GRID2: variants seen among roughly 807,000 people sequenced by gnomAD.
The protein encoded by GRID2 is glutamate ionotropic receptor delta type subunit 2, also known as glutamate receptor ionotropic, delta-2.
GRID2 carries 33 observed loss-of-function variants against 114.8 expected under a neutral mutation model. The observed-to-expected ratio is 0.29, with a 90% confidence interval of 0.22 to 0.38. The LOEUF (loss-of-function observed/expected upper bound fraction) is 0.38, where lower values mean the gene tolerates loss of function less well. GRID2 is among the 10% of genes least tolerant of loss of function. GRID2 has a pLI of 1.00. For missense variants in GRID2, 1,184 were observed against 1,257.7 expected, an observed-to-expected ratio of 0.94 and a Z score of 0.89; for synonymous variants, 505 against 449.9, an observed-to-expected ratio of 1.12 and a Z score of -1.55.
At chr4:92,758,762 T>C in intron 2 of GRID2, among the ~76,000 whole-genome samples, 1 of 152,168 alleles carries the variant, frequency 6.6e-6, no homozygotes, top group South Asian at 2.1e-4. Context: ...GTTTTACATT[T>C]TAATTAAAGT....
intron 4 of GRID2, among the ~76,000 whole-genome samples, chr4:93,184,616 G>T (rs1401030058): frequency 6.6e-6 from 1 of 152,032 alleles, no homozygotes; most frequent in Non-Finnish European, 1.5e-5. Context: ...GGGTGCAGTG[G>T]CTCACGCCTG....
At chr4:92,759,285 T>C (rs1037802341) in intron 2 of GRID2, among the ~76,000 whole-genome samples, 1 of 152,192 alleles carries the variant, frequency 6.6e-6, no homozygotes, top group African/African-American at 2.4e-5. Flanking sequence ...ATTTTGACAA[T>C]ATCAACATAA....
Position 92,974,417 on chromosome 4 carries a change from G to C in GRID2, c.245-110578G>C, listed in dbSNP as rs559170138. On this transcript the variant is annotated intron_variant, in intron 2 of 15. Transcript: ENST00000282020. ...CTTTATTGTGGCACTGTTCACAATA[G>C]CAAAGACTTGGAATCAACCCAAATG... Among the ~76,000 whole-genome samples, 7 of 152,200 alleles carry C rather than the reference G, an allele frequency of 4.6e-5. No homozygotes were observed. The South Asian group carries it at 1.4e-3, about 32-fold the overall frequency.
At chr4:92,492,901 C>T (rs992008549) in intron 1 of GRID2, among the ~76,000 whole-genome samples, 4 of 151,908 alleles carry the variant, frequency 2.6e-5, no homozygotes, top group East Asian at 1.9e-4. Flanking sequence ...GGCCTAGGCG[C>T]GCGGATCACT....
chr4:93,361,604 A>G (rs1184837691), intron 8 of GRID2, among the ~76,000 whole-genome samples: 1 of 151,882 alleles, frequency 6.6e-6, no homozygotes, highest in Non-Finnish European at 1.5e-5. Flanking sequence ...CACTGTATTA[A>G]TCATGATTCT....
intron 1 of GRID2, among the ~76,000 whole-genome samples, chr4:93,791,245 T>C (rs771969278): frequency 5.3e-5 from 8 of 152,206 alleles, no homozygotes; most frequent in Non-Finnish European, 8.8e-5. Context: ...TTTGGAAGTA[T>C]ACATTGTATT....
At chr4:93,159,629 T>A (rs1055752057) in intron 4 of GRID2, among the ~76,000 whole-genome samples, 7 of 151,502 alleles carry the variant, frequency 4.6e-5, no homozygotes, top group East Asian at 1.9e-4. Context: ...TTAAGTTTTT[T>A]AATTTCATTA....
At chr4:92,600,069 T>C (rs914801045) in intron 2 of GRID2, among the ~76,000 whole-genome samples, 1 of 134,662 alleles carries the variant, frequency 7.4e-6, no homozygotes, top group East Asian at 2.1e-4. Context: ...TATATATATA[T>C]ATATATATAT....
At chr4:93,612,241 C>T (rs1386276232) in intron 13 of GRID2, among the ~76,000 whole-genome samples, 2 of 148,870 alleles carry the variant, frequency 1.3e-5, no homozygotes, top group African/African-American at 4.9e-5. Flanking sequence ...ATACAGCACA[C>T]TGATGGGTCT....
chr4:93,625,201 A>G (rs1383435796), intron 13 of GRID2, among the ~76,000 whole-genome samples: 1 of 152,220 alleles, frequency 6.6e-6, no homozygotes, highest in East Asian at 1.9e-4. Context: ...CCTGGCTTAG[A>G]AGCCTAGTAA....
At chr4:92,680,360 G>A (rs979162122) in intron 2 of GRID2, among the ~76,000 whole-genome samples, 1 of 152,070 alleles carries the variant, frequency 6.6e-6, no homozygotes, top group African/African-American at 2.4e-5. Flanking sequence ...GTACTCTTCA[G>A]TGAACTGTAG....
At chr4:93,316,336 GA>G (rs771027348) in intron 8 of GRID2, among the ~76,000 whole-genome samples, 2 of 53,336 alleles carry the variant, frequency 3.7e-5, no homozygotes, top group Non-Finnish European at 8.4e-5. Flanking sequence ...AAGAAAGAAA[GA>G]AAGAAGGAAG....
At chr4:93,381,196 A>G (rs1225034254) in intron 8 of GRID2, among the ~76,000 whole-genome samples, 1 of 152,100 alleles carries the variant, frequency 6.6e-6, no homozygotes, top group African/African-American at 2.4e-5. Flanking sequence ...ATCATGCAAA[A>G]CTGAAACTCT....
chr4:93,687,796 A>G lies in GRID2; in HGVS notation c.2360+61361A>G, dbSNP rs1232918110. 2.0e-5 allele frequency among the ~76,000 whole-genome samples: 3 copies of G among 152,158 alleles called. No homozygotes were observed. In the East Asian group the frequency reaches 5.8e-4, roughly 29 times the overall value. On this transcript the variant is annotated intron_variant, in intron 14 of 15. Transcript: ENST00000282020. ...TTTCAAGTATTTCTGTTATAAAAGA[A>G]TAAAGAAATGGGGTGGTAATTGAAA...
intron 2 of GRID2, among the ~76,000 whole-genome samples, chr4:92,908,079 T>G (rs1444655419): frequency 6.6e-6 from 1 of 152,062 alleles, no homozygotes; most frequent in East Asian, 1.9e-4. Flanking sequence ...ACAGTAAGTT[T>G]TTCATGAAAA....
chr4:92,950,428 G>C (rs1751944281), intron 2 of GRID2, among the ~76,000 whole-genome samples: 1 of 152,144 alleles, frequency 6.6e-6, no homozygotes, highest in African/African-American at 2.4e-5. Context: ...GCTTTTGTTT[G>C]AATAGAAATA....
intron 14 of GRID2, among the ~76,000 whole-genome samples, chr4:93,677,825 T>C (rs1662920766): frequency 1.3e-5 from 2 of 151,782 alleles, no homozygotes; most frequent in Admixed American, 1.3e-4. Flanking sequence ...ACCACAAAGA[T>C]GGGGAAAAAA....
intron 2 of GRID2, among the ~76,000 whole-genome samples, chr4:92,716,685 C>T (rs942445344): frequency 1.3e-5 from 2 of 152,184 alleles, no homozygotes; most frequent in African/African-American, 2.4e-5. Flanking sequence ...ATTACAGCAT[C>T]ACATAGGGAG....
intron 14 of GRID2, among the ~76,000 whole-genome samples, chr4:93,712,766 G>T (rs991260826): frequency 6.6e-6 from 1 of 152,130 alleles, no homozygotes; most frequent in African/African-American, 2.4e-5. Context: ...TTTTAACAAG[G>T]CTGAAAATAA....
Sources: gnomAD v4.1 joint callset for allele counts (sites outside exome capture counted in the v4.1 genomes callset) on GRCh38, gnomAD v4.1.1 for gene constraint, MANE v1.5 for transcripts, NCBI Gene and HGNC (gene_info 2026-07-23, HGNC 2026-07-21) for gene names.